The following L3MBTL3 variants were observed in gnomAD, a reference collection of about 807,000 sequenced individuals.
The protein encoded by L3MBTL3 is lethal(3)malignant brain tumor-like protein 3.
In L3MBTL3, 27 loss-of-function variants were observed where a neutral mutation model predicts 102.3. That is an observed-to-expected ratio of 0.26 (90% confidence interval 0.19 to 0.36). The LOEUF (loss-of-function observed/expected upper bound fraction) is 0.36. Among genes scored for constraint, L3MBTL3 ranks in the 10% least tolerant of loss-of-function variants. The pLI is 1.00. For synonymous variants in L3MBTL3, 340 were observed against 320.9 expected, an observed-to-expected ratio of 1.06 and a Z score of -0.64; for missense variants, 798 against 955.3, an observed-to-expected ratio of 0.84 and a Z score of 2.17.
At chr6:130,116,965 ATTTATTTT>A (rs770136393) in intron 19 of L3MBTL3, among the ~76,000 whole-genome samples, 9,231 of 148,164 alleles carry the variant, frequency 0.062, 418 homozygotes, top group Non-Finnish European at 0.098. Context: ...TTATTTATTT[ATTTATTTT>A]TTTATTTTTT....
At chr6:130,122,479 TTATC>T (rs1786296358) in intron 20 of L3MBTL3, among the ~76,000 whole-genome samples, 1 of 152,218 alleles carries the variant, frequency 6.6e-6, no homozygotes, top group African/African-American at 2.4e-5. Flanking sequence ...TTCTGTTTCT[TTATC>T]TGTCTATCCA....
intron 7 of L3MBTL3, among the ~76,000 whole-genome samples, chr6:130,053,997 G>T (rs530610036): frequency 6.6e-6 from 1 of 152,222 alleles, no homozygotes; most frequent in East Asian, 1.9e-4. Flanking sequence ...TAAGTGCTAC[G>T]TTGAGAATTA....
At chr6:130,020,130 G>A (rs1778880467) in intron 1 of L3MBTL3, among the ~76,000 whole-genome samples, 2 of 151,202 alleles carry the variant, frequency 1.3e-5, no homozygotes, top group Admixed American at 1.3e-4. Flanking sequence ...GGCCGGCGCC[G>A]GGGCCACCGC....
At chr6:130,034,191 G>A (rs903227972) in intron 2 of L3MBTL3, among the ~76,000 whole-genome samples, 1 of 152,132 alleles carries the variant, frequency 6.6e-6, no homozygotes, top group Non-Finnish European at 1.5e-5. Context: ...GTTGTAGGAA[G>A]GAAAGATTAT....
intron 16 of L3MBTL3, among the ~76,000 whole-genome samples, chr6:130,087,754 A>G (rs190473992): frequency 6.6e-5 from 10 of 152,294 alleles, no homozygotes; most frequent in African/African-American, 2.2e-4. Context: ...CTTTATCTAC[A>G]TGATGTTAAA....
chr6:130,109,767 A>T (rs895114906), intron 19 of L3MBTL3, among the ~76,000 whole-genome samples: 7 of 152,198 alleles, frequency 4.6e-5, no homozygotes, highest in Non-Finnish European at 8.8e-5. Flanking sequence ...TGTTTTAGTC[A>T]TGAAGTCTTT....
At chr6:130,126,568 T>C (rs1299674001) in intron 20 of L3MBTL3, among the ~76,000 whole-genome samples, 1 of 152,198 alleles carries the variant, frequency 6.6e-6, no homozygotes, top group Admixed American at 6.6e-5. Flanking sequence ...CATCTTTATT[T>C]GAAAAGTCTT....
chr6:130,082,590 ACTTCTTATTTTCTGGCACAG>A (rs1354683250), intron 14 of L3MBTL3, among the ~76,000 whole-genome samples: 1 of 152,042 alleles, frequency 6.6e-6, no homozygotes, highest in Non-Finnish European at 1.5e-5. Flanking sequence ...TTTTTTGAGA[ACTTCTTATTTTCTGGCACAG>A]CTAGGCTTAT....
rs1284849020 is a variant in L3MBTL3 at position 130,133,378 on chromosome 6, C to G, written c.1967-74C>G. 7.0e-7 allele frequency: 1 copy of G among 1,437,712 alleles called. No individual in the cohort carries two copies. The highest frequency in any genetic ancestry group is 9.7e-7 in the Non-Finnish European group (1 of 1,032,736). 89.1% of individuals were successfully genotyped at this position (1,437,712 alleles called of 1,614,324 possible). ...CCACTCCCACCTCCAGTCTCGTTAT[C>G]TGGGAGATGCACGGCATTTGGGGCT... On this transcript the variant is annotated intron_variant, in intron 20 of 22. Transcript: ENST00000361794. The surrounding 1 kb of genome is among the most constrained non-coding windows in gnomAD (Gnocchi z 4.9).
rs552029230 is a variant in L3MBTL3 at position 130,042,768 on chromosome 6, T to C, written c.69T>C (p.Asp23=). 38 of 1,613,564 alleles carry C rather than the reference T, an allele frequency of 2.4e-5. No homozygotes were observed. The African/African-American group carries it at 4.4e-4, about 19-fold the overall frequency. ...TGTTCAGTGTTATGGACTGGAAAGA[T>C]GGAGTGGGCACGTTACCAGGAAGTG... ...FDVFSVMDWK[D]GVGTLPGSDL... is the part of the protein sequence containing the mutation. The change falls in exon 3 of 23, where the codon GAT becomes GAC. Residue 23 remains aspartate, a synonymous_variant. Coordinates refer to ENST00000361794, the MANE Select transcript of L3MBTL3 (RefSeq NM_032438.4).
chr6:130,029,814 CCCCTG>C (rs1329984180), intron 2 of L3MBTL3, among the ~76,000 whole-genome samples: 5 of 152,116 alleles, frequency 3.3e-5, no homozygotes. Context: ...CCCCTCCCCT[CCCCTG>C]CCCTGCCCTC....
At chr6:130,094,919 G>A (rs1784273152) in intron 18 of L3MBTL3, among the ~76,000 whole-genome samples, 1 of 152,060 alleles carries the variant, frequency 6.6e-6, no homozygotes. Flanking sequence ...TGGTGATTTA[G>A]GGATCTTTGT....
intron 12 of L3MBTL3, among the ~76,000 whole-genome samples, chr6:130,069,077 A>G (rs75110573): frequency 0.02 from 2,973 of 152,292 alleles, 104 homozygotes; most frequent in East Asian, 0.11. Context: ...GTATCTGCAG[A>G]CAAATAAGCT....
At chr6:130,025,054 A>G (rs1779256108) in intron 2 of L3MBTL3, among the ~76,000 whole-genome samples, 1 of 152,190 alleles carries the variant, frequency 6.6e-6, no homozygotes, top group African/African-American at 2.4e-5. Context: ...GCAAGAGTCT[A>G]GCAAGATGGA....
At position 130,022,283 on chromosome 6, in the gene L3MBTL3, CTG is replaced by C. The variant is rs1779063973; in HGVS notation, c.-34_-33del. 6.6e-6 allele frequency: 1 copy of C among 152,204 alleles called. No homozygotes were observed. Among genetic ancestry groups the C allele is most frequent in the South Asian group, 2.1e-4 (1 of 4,832 alleles). The allele number at this position is 152,204 out of a possible 1,614,324, so 9.4% of individuals were successfully genotyped here. The stretch of plus-strand genomic sequence containing the variant: ...CAATTGTGAAGATCGCCAGAGAGTT[CTG>C]TGTTTCATCACCGCCGAAAGGTAAG... On this transcript the variant is annotated 5_prime_UTR_variant, in exon 2 of 23. Coordinates refer to ENST00000361794, the MANE Select transcript of L3MBTL3 (RefSeq NM_032438.4).
intron 14 of L3MBTL3, 111 bp from the exon 15 acceptor site, chr6:130,083,509 A>G: frequency 1.8e-6 from 1 of 546,966 alleles, no homozygotes; most frequent in South Asian, 2.5e-5. Context: ...TGTCATGTAT[A>G]TATGAACATA....
At chr6:130,047,012 C>T (rs1780765593) in intron 3 of L3MBTL3, among the ~76,000 whole-genome samples, 2 of 152,042 alleles carry the variant, frequency 1.3e-5, no homozygotes, top group South Asian at 2.1e-4. Flanking sequence ...AAATTTGATC[C>T]CTGTATGTTT....
At chr6:130,069,512 G>C (rs10499172) in intron 12 of L3MBTL3, among the ~76,000 whole-genome samples, 39,157 of 152,136 alleles carry the variant, frequency 0.26, 5,563 homozygotes, top group African/African-American at 0.34. Flanking sequence ...GTTTAGGTTA[G>C]TAATAGTGTT....
chr6:130,121,574 A>G (rs1408449162), intron 20 of L3MBTL3, among the ~76,000 whole-genome samples: 1 of 152,180 alleles, frequency 6.6e-6, no homozygotes, highest in East Asian at 1.9e-4. Context: ...TATTGTACAT[A>G]AAGTTTGGTA....
Sources: gnomAD v4.1 joint callset for allele counts (sites outside exome capture counted in the v4.1 genomes callset) on GRCh38, gnomAD v4.1.1 for gene constraint, Gnocchi (gnomAD v3.1) non-coding constraint, MANE v1.5 for transcripts, NCBI Gene and HGNC (gene_info 2026-07-23, HGNC 2026-07-21) for gene names.